Variants in DPYD observed in about 807,000 individuals in gnomAD.
DPYD encodes the protein dihydropyrimidine dehydrogenase [NADP(+)].
In DPYD, 109 loss-of-function variants were observed where a neutral mutation model predicts 116.2. The ratio of observed to expected loss-of-function variants is 0.94; its 90% CI spans 0.80 to 1.10. The LOEUF (loss-of-function observed/expected upper bound fraction) is 1.10, where lower values mean the gene tolerates loss of function less well. Among genes scored for constraint, DPYD ranks in the 50% least tolerant of loss-of-function variants. The pLI is 0.00. For synonymous variants in DPYD, 440 were observed against 432.0 expected, an observed-to-expected ratio of 1.02 and a Z score of -0.23; for missense variants, 1,302 against 1,254.5, an observed-to-expected ratio of 1.04 and a Z score of -0.57.
At chr1:97,389,011 C>T (rs1207205628) in intron 14 of DPYD, among the ~76,000 whole-genome samples, 1 of 151,588 alleles carries the variant, frequency 6.6e-6, no homozygotes, top group Non-Finnish European at 1.5e-5. Context: ...TTTCTAAATT[C>T]GATGTGGAAA....
rs980269210 is a variant in DPYD at position 97,418,315 on chromosome 1, T to C, written c.1905+31744A>G. On this transcript the variant is annotated intron_variant, in intron 14 of 22. Coordinates refer to ENST00000370192, the MANE Select transcript of DPYD (RefSeq NM_000110.4). Reference sequence around the variant, plus strand: ...AGATAGATATAAGATGATTTTTTTTTTTTTTTTGAGATGGAGTCTCTGTCA... The same window carrying C: ...AGATAGATATAAGATGATTTTTTTTCTTTTTTTGAGATGGAGTCTCTGTCA... 5.3e-5 allele frequency among the ~76,000 whole-genome samples: 8 copies of C among 151,902 alleles called. No homozygotes were observed. The South Asian group carries it at 1.7e-3, about 32-fold the overall frequency.
At chr1:97,308,859 C>T (rs1667314864) in intron 16 of DPYD, among the ~76,000 whole-genome samples, 2 of 151,806 alleles carry the variant, frequency 1.3e-5, no homozygotes, top group African/African-American at 4.8e-5. Context: ...GTACTCTTAT[C>T]TCTCAGACAA....
At chr1:97,554,364 TATC>T (rs766046469) in intron 11 of DPYD, among the ~76,000 whole-genome samples, 1 of 152,112 alleles carries the variant, frequency 6.6e-6, no homozygotes, top group Non-Finnish European at 1.5e-5. Context: ...ATACAACAGA[TATC>T]ATAATGAAGA....
intron 13 of DPYD, among the ~76,000 whole-genome samples, chr1:97,468,356 C>A (rs1677444869): frequency 6.6e-6 from 1 of 151,964 alleles, no homozygotes; most frequent in Admixed American, 6.6e-5. Context: ...AGAAGGTGGG[C>A]ATTTTAGAGG....
At chr1:97,110,673 C>T (rs1651525137) in intron 20 of DPYD, among the ~76,000 whole-genome samples, 1 of 152,040 alleles carries the variant, frequency 6.6e-6, no homozygotes, top group Non-Finnish European at 1.5e-5. Flanking sequence ...TAGTGTCTGT[C>T]TTCACACCTT....
chr1:97,855,997 T>C (rs957646436), intron 2 of DPYD: 5 of 152,180 alleles, frequency 3.3e-5, no homozygotes, highest in African/African-American at 4.8e-5. Context: ...AGAACTTGGA[T>C]ATAAAAATGC....
At chr1:97,638,018 T>A (rs188547503) in intron 8 of DPYD, among the ~76,000 whole-genome samples, 111 of 152,276 alleles carry the variant, frequency 7.3e-4, no homozygotes, top group African/African-American at 2.6e-3. Flanking sequence ...GCACATGTAC[T>A]GTATCTCATG....
intron 20 of DPYD, among the ~76,000 whole-genome samples, chr1:97,129,881 G>C (rs933329316): frequency 6.6e-6 from 1 of 152,146 alleles, no homozygotes; most frequent in Admixed American, 6.5e-5. Flanking sequence ...CCATTTCACA[G>C]TGTGTTTTAA....
chr1:97,414,941 T>C lies in DPYD; in HGVS notation c.1906-32480A>G, dbSNP rs117516054. 8.9e-4 allele frequency among the ~76,000 whole-genome samples: 135 copies of C among 152,328 alleles called. 2 individuals are homozygous for C. In the East Asian group the frequency reaches 0.024, roughly 27 times the overall value. ...AAATAATCTTCATTAGACTATCTCA[T>C]TCTTTTTTTAAAAAACTCATTAACT... On this transcript the variant is annotated intron_variant, in intron 14 of 22. Transcript: ENST00000370192.
At chr1:97,255,139 T>G (rs897716738) in intron 18 of DPYD, among the ~76,000 whole-genome samples, 4 of 152,132 alleles carry the variant, frequency 2.6e-5, no homozygotes, top group Non-Finnish European at 4.4e-5. Context: ...ATAATATATG[T>G]TTTATTTTAT....
chr1:97,315,095 T>C (rs1667739739), intron 16 of DPYD, among the ~76,000 whole-genome samples: 1 of 151,932 alleles, frequency 6.6e-6, no homozygotes. Context: ...GTAGATATGC[T>C]AAAGTAACTA....
At chr1:97,682,586 ATG>A (rs1660485564) in intron 7 of DPYD, among the ~76,000 whole-genome samples, 1 of 152,126 alleles carries the variant, frequency 6.6e-6, no homozygotes, top group Admixed American at 6.5e-5. Context: ...TTGAAATGAA[ATG>A]TGTGTTAACT....
intron 18 of DPYD, among the ~76,000 whole-genome samples, chr1:97,285,539 G>T (rs903381087): frequency 6.6e-6 from 1 of 152,084 alleles, no homozygotes; most frequent in Non-Finnish European, 1.5e-5. Context: ...TCAGAAATTA[G>T]GAGTAGTAAA....
chr1:97,140,688 T>C (rs1654152213), intron 20 of DPYD, among the ~76,000 whole-genome samples: 1 of 152,138 alleles, frequency 6.6e-6, no homozygotes, highest in African/African-American at 2.4e-5. Flanking sequence ...CGGCCTTTTC[T>C]CTACTGATGC....
intron 18 of DPYD, among the ~76,000 whole-genome samples, chr1:97,304,086 G>A (rs1667023175): frequency 6.6e-6 from 1 of 151,968 alleles, no homozygotes; most frequent in Non-Finnish European, 1.5e-5. Context: ...TACTGCAATA[G>A]TTCTTTTATT....
At chr1:97,661,159 A>G (rs1659232188) in intron 8 of DPYD, among the ~76,000 whole-genome samples, 1 of 152,218 alleles carries the variant, frequency 6.6e-6, no homozygotes, top group African/African-American at 2.4e-5. Flanking sequence ...GTTTAAAAAT[A>G]TATGCTCATT....
chr1:97,402,783 T>C (rs545919823), intron 14 of DPYD, among the ~76,000 whole-genome samples: 1 of 152,142 alleles, frequency 6.6e-6, no homozygotes, highest in East Asian at 1.9e-4. Flanking sequence ...AGGAAGTTTC[T>C]CTGTATTGTT....
At chr1:97,635,789 A>AT (rs376141277) in intron 8 of DPYD, among the ~76,000 whole-genome samples, 13 of 151,982 alleles carry the variant, frequency 8.6e-5, no homozygotes, top group African/African-American at 3.1e-4. Flanking sequence ...AAAACTAGAT[A>AT]TTTTTCTGTT....
At chr1:97,380,766 A>G (rs896365704) in intron 15 of DPYD, among the ~76,000 whole-genome samples, 1 of 152,174 alleles carries the variant, frequency 6.6e-6, no homozygotes, top group African/African-American at 2.4e-5. Context: ...TTTGACTTGA[A>G]TATGTTTTTG....
Sources: allele counts gnomAD v4.1 joint callset (sites outside exome capture counted in the v4.1 genomes callset), GRCh38; gene constraint gnomAD v4.1.1; transcripts MANE v1.5; gene names NCBI Gene and HGNC (gene_info 2026-07-23, HGNC 2026-07-21).